ASPRV1: variants seen among roughly 807,000 people sequenced by gnomAD.
The protein encoded by ASPRV1 is retroviral-like aspartic protease 1.
A neutral mutation model predicts 11.0 loss-of-function variants in ASPRV1; 7 were observed. The observed-to-expected ratio is 0.64, with a 90% confidence interval of 0.36 to 1.20. ASPRV1 has a LOEUF of 1.20. Ranked by LOEUF, ASPRV1 falls within the 50% of genes most tolerant of loss-of-function variation. The probability of loss-of-function intolerance (pLI) is 0.02; values close to 1 mark genes in which losing one functional copy is unlikely to be tolerated. For missense variants in ASPRV1, 299 were observed against 320.0 expected (o/e 0.93, Z 0.50); for synonymous variants, 136 against 138.4 (o/e 0.98, Z 0.12).
At chr2:70,030,885 C>T in the ASPRV1 span, 3 of 152,250 alleles carry the variant, frequency 2.0e-5, no homozygotes, top group South Asian at 4.1e-4. Context: ...TGCCACATAC[C>T]AGACTAGGTG....
chr2:70,084,680 A>G, the ASPRV1 span, among the ~76,000 whole-genome samples: 2 of 152,364 alleles, frequency 1.3e-5, no homozygotes, highest in East Asian at 3.9e-4. Context: ...GCATGTAGTA[A>G]CAAATATTGT....
the ASPRV1 span, chr2:69,935,270 C>G: frequency 1.0e-6 from 1 of 994,298 alleles, no homozygotes. Flanking sequence ...CAACTTCACA[C>G]TCTTTGAGAA....
chr2:69,961,711 G>A (rs776192417), upstream of ASPRV1: 10 of 1,522,114 alleles, frequency 6.6e-6, no homozygotes, highest in South Asian at 3.9e-5. Flanking sequence ...TGGAAGCTCC[G>A]CCCCTCCTCA....
the ASPRV1 span, among the ~76,000 whole-genome samples, chr2:70,079,339 T>C: frequency 6.6e-6 from 1 of 151,684 alleles, no homozygotes; most frequent in African/African-American, 2.4e-5. Context: ...TAGCCAGGCA[T>C]GGTGGTGGGT....
the ASPRV1 span, among the ~76,000 whole-genome samples, chr2:69,968,747 C>CCAA: frequency 1.3e-5 from 2 of 152,212 alleles, no homozygotes; most frequent in African/African-American, 2.4e-5. Flanking sequence ...ACTCCTGGGC[C>CCAA]GTCTGCATGG....
chr2:69,997,187 T>TAAAA, the ASPRV1 span, among the ~76,000 whole-genome samples: 2 of 136,138 alleles, frequency 1.5e-5, no homozygotes, highest in Non-Finnish European at 1.6e-5. Flanking sequence ...CCCAGTCTAT[T>TAAAA]AAAAAAAAAA....
At chr2:70,078,875 A>G in the ASPRV1 span, among the ~76,000 whole-genome samples, 1 of 152,242 alleles carries the variant, frequency 6.6e-6, no homozygotes, top group Non-Finnish European at 1.5e-5. Context: ...TTGAGGGGGC[A>G]AAGAGCAAAA....
the ASPRV1 span, among the ~76,000 whole-genome samples, chr2:70,035,678 C>T: frequency 2.0e-5 from 3 of 150,412 alleles, no homozygotes; most frequent in Non-Finnish European, 3.0e-5. Flanking sequence ...TGTGTTTATG[C>T]TATCTGAATG....
chr2:70,040,183 G>A, the ASPRV1 span, among the ~76,000 whole-genome samples: 2 of 152,062 alleles, frequency 1.3e-5, no homozygotes, highest in African/African-American at 4.8e-5. Flanking sequence ...AATAAATATA[G>A]ATGGCATCAT....
At chr2:69,937,425 C>T in the ASPRV1 span, 7 of 1,557,172 alleles carry the variant, frequency 4.5e-6, no homozygotes, top group African/African-American at 9.0e-5. Context: ...TCCCTGTCTC[C>T]CTTGTGCTCC....
chr2:69,941,248 T>TA, the ASPRV1 span: 1 of 152,174 alleles, frequency 6.6e-6, no homozygotes, highest in South Asian at 2.1e-4. Context: ...AGTGGGAAAA[T>TA]ATATATGTGT....
the ASPRV1 span, among the ~76,000 whole-genome samples, chr2:69,934,634 C>T: frequency 1.3e-5 from 2 of 152,200 alleles, no homozygotes; most frequent in Non-Finnish European, 2.9e-5. Context: ...TGTCTACATA[C>T]AAGAAAACAT....
the ASPRV1 span, chr2:70,069,265 G>A: frequency 6.6e-6 from 1 of 152,128 alleles, no homozygotes; most frequent in Non-Finnish European, 1.5e-5. Context: ...CTCGCCCTCT[G>A]GGGTAGGTTT....
upstream of ASPRV1, among the ~76,000 whole-genome samples, chr2:69,963,667 G>A (rs980288931): frequency 6.6e-6 from 1 of 152,180 alleles, no homozygotes. Flanking sequence ...ACTAGAAATC[G>A]GTGGTCCCTT....
At chr2:70,022,342 C>G in the ASPRV1 span, among the ~76,000 whole-genome samples, 1 of 131,358 alleles carries the variant, frequency 7.6e-6, no homozygotes, top group South Asian at 2.8e-4. Flanking sequence ...AGTGTTCTTA[C>G]CAAAACACAC....
the ASPRV1 span, chr2:70,003,380 G>C: frequency 6.6e-6 from 1 of 152,250 alleles, no homozygotes; most frequent in Non-Finnish European, 1.5e-5. Flanking sequence ...TGTTAAGCAC[G>C]TAGAACACTG....
chr2:69,980,276 CAAAG>C, the ASPRV1 span, among the ~76,000 whole-genome samples: 1 of 152,136 alleles, frequency 6.6e-6, no homozygotes, highest in Non-Finnish European at 1.5e-5. Context: ...AAATCAAAAA[CAAAG>C]AAAAGCAACT....
the ASPRV1 span, among the ~76,000 whole-genome samples, chr2:69,981,213 A>T: frequency 6.6e-6 from 1 of 152,246 alleles, no homozygotes; most frequent in Non-Finnish European, 1.5e-5. Flanking sequence ...ACCACTTGTG[A>T]TAATTACAAA....
the ASPRV1 span, among the ~76,000 whole-genome samples, chr2:69,943,436 G>A: frequency 1.3e-5 from 2 of 152,152 alleles, no homozygotes; most frequent in African/African-American, 4.8e-5. Context: ...TGCTGGGAAA[G>A]GAGCATTGCT....
Sources: gnomAD v4.1 joint callset for allele counts (sites outside exome capture counted in the v4.1 genomes callset) on GRCh38, gnomAD v4.1.1 for gene constraint, MANE v1.5 for transcripts, NCBI Gene and HGNC (gene_info 2026-07-23, HGNC 2026-07-21) for gene names.